Variants in DPH6 observed in about 807,000 individuals in gnomAD.
DPH6 encodes the protein diphthine--ammonia ligase.
Under a neutral mutation model 38.2 loss-of-function variants are expected in DPH6, and 33 were observed. The observed-to-expected ratio is 0.86, with a 90% confidence interval of 0.65 to 1.15. The LOEUF (loss-of-function observed/expected upper bound fraction) is 1.15, where lower values mean the gene tolerates loss of function less well. DPH6 is among the 50% of genes most tolerant of loss of function. The probability of loss-of-function intolerance (pLI) is 0.00; values close to 1 mark genes in which losing one functional copy is unlikely to be tolerated. For synonymous variants in DPH6, 108 were observed against 103.0 expected (o/e 1.05, Z -0.30); for missense variants, 325 against 320.0 (o/e 1.02, Z -0.12).
chr15:35,384,364 C>A (rs1054900598), intron 6 of DPH6, among the ~76,000 whole-genome samples: 5 of 152,170 alleles, frequency 3.3e-5, no homozygotes, highest in Admixed American at 1.3e-4. Context: ...GCCATCTATT[C>A]TTTCACTAAG....
chr15:35,447,957 G>A (rs537926445), intron 5 of DPH6, among the ~76,000 whole-genome samples: 1 of 152,142 alleles, frequency 6.6e-6, no homozygotes, highest in African/African-American at 2.4e-5. Flanking sequence ...TCATTTAACT[G>A]AACAAACTAA....
At chr15:35,351,479 CCTCT>C (rs751208783) in intron 3 of DPH6, among the ~76,000 whole-genome samples, 1 of 151,852 alleles carries the variant, frequency 6.6e-6, no homozygotes, top group Non-Finnish European at 1.5e-5. Flanking sequence ...TTCTCTTGCT[CCTCT>C]CTTCTTCTCA....
At chr15:35,308,730 TTC>T (rs1566865613) in intron 3 of DPH6, among the ~76,000 whole-genome samples, 2 of 152,236 alleles carry the variant, frequency 1.3e-5, no homozygotes, top group Non-Finnish European at 2.9e-5. Flanking sequence ...GTCTTAGTGC[TTC>T]TGTTATTTGT....
At chr15:35,414,929 T>G (rs1202540501) in intron 5 of DPH6, among the ~76,000 whole-genome samples, 1 of 151,898 alleles carries the variant, frequency 6.6e-6, no homozygotes, top group Non-Finnish European at 1.5e-5. Flanking sequence ...ATATTTTTCT[T>G]GATCTCTTTG....
intron 6 of DPH6, chr15:35,396,582 T>C (rs1169069136): frequency 1.3e-5 from 2 of 151,870 alleles, no homozygotes; most frequent in Non-Finnish European, 2.9e-5. Flanking sequence ...ATCTCTGAAG[T>C]TGCTCTGAAT....
chr15:35,386,507 T>C (rs531231639), intron 6 of DPH6, among the ~76,000 whole-genome samples: 1 of 152,194 alleles, frequency 6.6e-6, no homozygotes, highest in Non-Finnish European at 1.5e-5. Flanking sequence ...CCAGCACCTG[T>C]TGTTTCCTGA....
chr15:35,373,218 C>G (rs1471036114), intron 8 of DPH6, among the ~76,000 whole-genome samples: 1 of 151,710 alleles, frequency 6.6e-6, no homozygotes, highest in Non-Finnish European at 1.5e-5. Flanking sequence ...TAAATGTGAT[C>G]CTGCTAGATG....
chr15:35,459,544 C>T (rs2054036907), intron 3 of DPH6, among the ~76,000 whole-genome samples: 1 of 152,138 alleles, frequency 6.6e-6, no homozygotes, highest in African/African-American at 2.4e-5. Flanking sequence ...ATTAGGTACA[C>T]TGAATACAAC....
At chr15:35,546,086 A>G in intron 1 of DPH6, 33 bp downstream of exon 1, 1 of 1,375,934 alleles carries the variant, frequency 7.3e-7, no homozygotes, top group Non-Finnish European at 9.5e-7. Context: ...AGCCTGGCCT[A>G]GGAGGAAGGA....
At chr15:35,478,504 T>C (rs997562110) in intron 3 of DPH6, among the ~76,000 whole-genome samples, 2 of 151,780 alleles carry the variant, frequency 1.3e-5, no homozygotes, top group African/African-American at 2.4e-5. Flanking sequence ...ATCAACACTA[T>C]TTCTAATAGA....
chr15:35,211,704 C>G, the DPH6 span, among the ~76,000 whole-genome samples: 1 of 152,238 alleles, frequency 6.6e-6, no homozygotes, highest in East Asian at 1.9e-4. Flanking sequence ...ACAAGGGAGT[C>G]CAGCCAGCTC....
intron 7 of DPH6, 44 bp downstream of exon 7, chr15:35,381,778 T>C (rs1461494547): frequency 6.5e-7 from 1 of 1,535,260 alleles, no homozygotes. Context: ...CTTCCATCAC[T>C]TAAATTTATG....
chr15:35,417,362 T>C (rs1180957243), intron 5 of DPH6, among the ~76,000 whole-genome samples: 1 of 146,466 alleles, frequency 6.8e-6, no homozygotes. Context: ...ATTTTGGTTT[T>C]AGTATTTTCT....
the DPH6 span, among the ~76,000 whole-genome samples, chr15:35,199,576 A>G: frequency 6.6e-6 from 1 of 152,338 alleles, no homozygotes; most frequent in Non-Finnish European, 1.5e-5. Flanking sequence ...TCTGGCTGAG[A>G]GAAAAACAGT....
At chr15:35,278,854 C>T (rs188783690) in intron 3 of DPH6, among the ~76,000 whole-genome samples, 6 of 152,082 alleles carry the variant, frequency 3.9e-5, no homozygotes, top group African/African-American at 1.4e-4. Context: ...TTGAGACCAT[C>T]CTGACTAACG....
In DPH6 at chr15:35,371,103, T is replaced by A. The variant is rs1301489042; in HGVS notation, c.*1047A>T. ...CCAATCTGAAAAGCTATATACTGCATGAAAAGCTATATACTGTATGATTTC... is the reference window on the plus strand; with the variant it reads ...CCAATCTGAAAAGCTATATACTGCAAGAAAAGCTATATACTGTATGATTTC... On this transcript the variant is annotated 3_prime_UTR_variant, in exon 9 of 9. Coordinates refer to ENST00000256538, the MANE Select transcript of DPH6 (RefSeq NM_080650.4). 1.3e-5 allele frequency: 2 copies of A among 151,694 alleles called. No homozygotes were observed. Among genetic ancestry groups the A allele is most frequent in the Admixed American group, 6.6e-5 (1 of 15,198 alleles). The allele number at this position is 151,694 out of a possible 1,614,324, so 9.4% of individuals were successfully genotyped here. A position where few individuals can be genotyped will look rare whatever the true frequency, so the allele number is the denominator to read the frequency against.
chr15:35,245,529 C>CGCTG lies in DPH6; in HGVS notation n.201-24951_201-24948dup. On this transcript the variant is annotated intron_variant and non_coding_transcript_variant, in intron 3 of 3. Coordinates refer to the DPH6 transcript ENST00000560386. ...CTGGGATTACAGGCGTGAGCCACCA[C>CGCTG]GCTGGCGGGTCATTGTTTAAATTGC... Among the ~76,000 whole-genome samples the CGCTG allele has an allele frequency of 1.3e-5, 2 of 152,120 alleles. 1 individual carries two copies. The highest frequency in any genetic ancestry group is 1.3e-4 in the Admixed American group (2 of 15,270).
intron 3 of DPH6, among the ~76,000 whole-genome samples, chr15:35,340,461 G>C (rs2052412296): frequency 6.6e-6 from 1 of 152,100 alleles, no homozygotes; most frequent in Admixed American, 6.6e-5. Flanking sequence ...TTATGTGGTT[G>C]CTTCATAGTG....
At chr15:35,494,006 A>G (rs979260074) in intron 3 of DPH6, among the ~76,000 whole-genome samples, 1 of 152,122 alleles carries the variant, frequency 6.6e-6, no homozygotes, top group South Asian at 2.1e-4. Flanking sequence ...GATTCAAATC[A>G]TGATTCCACC....
Sources: gnomAD v4.1 joint callset for allele counts (sites outside exome capture counted in the v4.1 genomes callset) on GRCh38, gnomAD v4.1.1 for gene constraint, MANE v1.5 for transcripts, NCBI Gene and HGNC (gene_info 2026-07-23, HGNC 2026-07-21) for gene names.